The following EXOC1 variants were observed in gnomAD, a reference collection of about 807,000 sequenced individuals.
The protein encoded by EXOC1 is SEC3-like 1.
A neutral mutation model predicts 107.7 loss-of-function variants in EXOC1; 67 were observed. That is an observed-to-expected ratio of 0.62 (90% CI 0.51 to 0.76). EXOC1 has a LOEUF of 0.76. Ranked by LOEUF, EXOC1 falls within the 30% of genes least tolerant of loss-of-function variation. EXOC1 has a pLI of 0.00. For synonymous variants in EXOC1, 348 were observed against 353.5 expected (o/e 0.98, Z 0.17); for missense variants, 833 against 1,055.7 (o/e 0.79, Z 2.92).
At chr4:55,858,206 T>TA in intron 1 of EXOC1, 108 bp from the exon 2 acceptor site, 1 of 1,144,942 alleles carries the variant, frequency 8.7e-7, no homozygotes, top group Non-Finnish European at 1.2e-6. Context: ...TATTAAATCA[T>TA]TTTTCCTAGG....
At chr4:55,890,492 T>C in intron 12 of EXOC1, 106 bp downstream of exon 12, 1 of 809,180 alleles carries the variant, frequency 1.2e-6, no homozygotes, top group Non-Finnish European at 1.9e-6. Context: ...CTGGCTCTCT[T>C]AAGCATTAAC....
chr4:55,883,751 T>C, intron 9 of EXOC1, 72 bp from the exon 10 acceptor site: 1 of 886,420 alleles, frequency 1.1e-6, no homozygotes, highest in Non-Finnish European at 1.7e-6. Context: ...CATGAAGGAC[T>C]TGGGGAATTG....
intron 8 of EXOC1, among the ~76,000 whole-genome samples, chr4:55,873,269 A>C (rs1722605962): frequency 6.6e-6 from 1 of 152,098 alleles, no homozygotes; most frequent in Non-Finnish European, 1.5e-5. Context: ...GTGTAAAGGA[A>C]GACCACCTAA....
At chr4:55,886,575 C>CAAAAAAAAAAAA (rs71832369) in intron 10 of EXOC1, among the ~76,000 whole-genome samples, 1 of 96,238 alleles carries the variant, frequency 1.0e-5, no homozygotes. Flanking sequence ...AACAAAAAAA[C>CAAAAAAAAAAAA]AAAAAAAAAA....
chr4:55,885,397 A>G (rs930464996), intron 10 of EXOC1, among the ~76,000 whole-genome samples: 1 of 152,212 alleles, frequency 6.6e-6, no homozygotes, highest in Non-Finnish European at 1.5e-5. Context: ...TCATTGCATT[A>G]ACCTGAAACC....
chr4:55,877,826 T>G, intron 8 of EXOC1, 91 bp from the exon 9 acceptor site: 1 of 1,544,862 alleles, frequency 6.5e-7, no homozygotes, highest in Non-Finnish European at 8.7e-7. Context: ...TTGGTTTGGC[T>G]TGGCCACATT....
At chr4:55,870,932 A>G in intron 6 of EXOC1, 27 bp downstream of exon 6, 2 of 1,578,436 alleles carry the variant, frequency 1.3e-6, no homozygotes, top group South Asian at 2.3e-5. Flanking sequence ...ATTACCAACA[A>G]AAAAAAACTA....
intron 15 of EXOC1, among the ~76,000 whole-genome samples, chr4:55,894,614 C>CTTTTTTTTTTTTTTTT (rs772700227): frequency 6.6e-5 from 5 of 76,116 alleles, no homozygotes; most frequent in Non-Finnish European, 9.2e-5. Context: ...CTATCTGTTA[C>CTTTTTTTTTTTTTTTT]TTTTTTTTTT....
Position 55,871,949 on chromosome 4 carries a change from T to G in EXOC1, c.1065T>G (p.Phe355Leu). ...TGGCCAGTCACCTCAACAATGTTTT[T>G]GTTCAACAGGTAATTTTATTTTATT... ...RRLASHLNNV[F>L]VQQGHDQSST... The change falls in exon 8 of 19, where the codon TTT becomes TTG. Residue 355 changes from phenylalanine (F) to leucine (L), a missense_variant. Phe to Leu is a conservative substitution (Grantham distance 22). Transcript: ENST00000381295. The G allele has an allele frequency of 6.2e-7, 1 of 1,613,304 alleles. No homozygotes were observed. Among genetic ancestry groups the G allele is most frequent in the Non-Finnish European group, 8.5e-7 (1 of 1,179,502 alleles).
Position 55,896,860 on chromosome 4 carries a change from T to A in EXOC1, c.2097T>A (p.Asp699Glu). 6.2e-7 allele frequency: 1 copy of A among 1,608,978 alleles called. No homozygotes were observed. The highest frequency in any genetic ancestry group is 8.5e-7 in the Non-Finnish European group (1 of 1,178,472). Residue 699 changes from aspartate to glutamate, a missense_variant, in exon 16 of 19, where the codon GAT becomes GAA. Around this residue, in one of 2 missense-constraint regions of EXOC1, gnomAD observed 216 missense variants for 354.4 expected, o/e 0.61. Coordinates refer to ENST00000381295, the MANE Select transcript of EXOC1 (RefSeq NM_001024924.2). ...FKNAERRGDL[D>E]KAYTKLIRGV... ...ATGCTGAGCGTCGTGGAGACCTGGA[T>A]AAAGCATACACCAAACTTATCAGAG...
chr4:55,899,853 A>G lies in EXOC1; in HGVS notation c.2306A>G (p.Tyr769Cys). The change falls in exon 17 of 19, where the codon TAC becomes TGC. Residue 769 changes from tyrosine to cysteine, a missense_variant. Around this residue, in one of 2 missense-constraint regions of EXOC1, gnomAD observed 216 missense variants for 354.4 expected, o/e 0.61. Coordinates refer to ENST00000381295, the MANE Select transcript of EXOC1 (RefSeq NM_001024924.2). Reference sequence around the variant, plus strand: ...GATCACCTTCAGTCTTATGTCATTTACTCTTTAGGACAACCTCTTGAAAAA... The same window carrying G: ...GATCACCTTCAGTCTTATGTCATTTGCTCTTTAGGACAACCTCTTGAAAAA... ...YTDHLQSYVI[Y>C]SLGQPLEKLN... 6.2e-7 allele frequency: 1 copy of G among 1,609,030 alleles called. No individual in the cohort carries two copies. The highest frequency in any genetic ancestry group is 1.9e-4 in the Middle Eastern group (1 of 5,264).
Position 55,860,453 on chromosome 4 carries a change from A to G in EXOC1, c.167A>G (p.Lys56Arg), listed in dbSNP as rs146319634. The stretch of plus-strand genomic sequence containing the variant: ...GTGCAGGTTAAGGTGGTCAAAGTCA[A>G]GAAATCCGATAAGGGAGATTTCTAC... ...RPVQVKVVKV[K>R]KSDKGDFYKR... is the part of the protein sequence containing the mutation. The change falls in exon 3 of 19, where the codon AAG becomes AGG. Residue 56 changes from lysine to arginine, a missense_variant. Transcript: ENST00000381295. 9.3e-6 allele frequency: 15 copies of G among 1,614,052 alleles called. No homozygotes were observed. In the African/African-American group the frequency reaches 1.9e-4, roughly 20 times the overall value.
chr4:55,892,377 T>G (rs529846722), intron 13 of EXOC1, among the ~76,000 whole-genome samples: 97 of 152,254 alleles, frequency 6.4e-4, no homozygotes, highest in Middle Eastern at 3.4e-3. Context: ...ACCTCCCTAC[T>G]TCCCCTCAGG....
chr4:55,884,864 A>G (rs960332583), intron 10 of EXOC1, among the ~76,000 whole-genome samples: 1 of 152,234 alleles, frequency 6.6e-6, no homozygotes. Flanking sequence ...GAAGACTGTC[A>G]TTAATGGGTA....
chr4:55,884,282 TA>T (rs1577735566), intron 10 of EXOC1, among the ~76,000 whole-genome samples: 1 of 152,182 alleles, frequency 6.6e-6, no homozygotes, highest in Admixed American at 6.6e-5. Flanking sequence ...ACTGATTCCC[TA>T]AAAGACTTTT....
In EXOC1 at chr4:55,893,901, G is replaced by A. The variant is rs565538857; in HGVS notation, c.1953+121G>A. On this transcript the variant is annotated intron_variant, in intron 15 of 18. Coordinates refer to ENST00000381295, the MANE Select transcript of EXOC1 (RefSeq NM_001024924.2). ...GGGGAATCTGTTGTTTATGTCCCTC[G>A]AAGCAGGGCATGGCAACAATCTACA... The A allele has an allele frequency of 6.6e-4, 514 of 781,800 alleles. 2 individuals are homozygous for A. Among genetic ancestry groups the A allele is most frequent in the Non-Finnish European group, 9.8e-4 (487 of 498,346 alleles). 48.4% of individuals were successfully genotyped at this position (781,800 alleles called of 1,614,324 possible).
At position 55,871,833 on chromosome 4, in the gene EXOC1, TGTC is replaced by T. The variant is rs756272397; in HGVS notation, c.965-13_965-11del. On this transcript the variant is annotated splice_polypyrimidine_tract_variant and intron_variant, in intron 7 of 18. Transcript: ENST00000381295. Reference sequence around the variant, plus strand: ...TTTACCCATTAAACTGGTCACAAAATGTCGTTCTGTGTCAGGCCATGACTTGCT... The same window carrying T: ...TTTACCCATTAAACTGGTCACAAAATGTTCTGTGTCAGGCCATGACTTGCT... 129 of 1,609,172 alleles carry T rather than the reference TGTC, an allele frequency of 8.0e-5. No individual in the cohort carries two copies. The highest frequency in any genetic ancestry group is 9.2e-5 in the Non-Finnish European group (108 of 1,176,838).
At chr4:55,894,484 A>G (rs1292159051) in intron 15 of EXOC1, among the ~76,000 whole-genome samples, 1 of 151,714 alleles carries the variant, frequency 6.6e-6, no homozygotes, top group East Asian at 1.9e-4. Context: ...TATTTTAATT[A>G]TTTAATTTAT....
intron 1 of EXOC1, among the ~76,000 whole-genome samples, chr4:55,857,457 C>T (rs1368474988): frequency 3.3e-5 from 5 of 152,036 alleles, no homozygotes; most frequent in African/African-American, 7.2e-5. Flanking sequence ...CGTGAGCCAC[C>T]GCCCGTGCCC....
Sources: allele counts gnomAD v4.1 joint callset (sites outside exome capture counted in the v4.1 genomes callset), GRCh38; gene constraint gnomAD v4.1.1; regional missense constraint gnomAD v4.1.1; transcripts MANE v1.5; gene names NCBI Gene and HGNC (gene_info 2026-07-23, HGNC 2026-07-21).